The following MUC12 variants were observed in gnomAD, a reference collection of about 807,000 sequenced individuals.
MUC12 encodes the protein mucin-12.
In MUC12, 172 loss-of-function variants were observed where a neutral mutation model predicts 230.8. The observed-to-expected ratio is 0.75, with a 90% CI of 0.66 to 0.85. The LOEUF (loss-of-function observed/expected upper bound fraction) is 0.85. Ranked by LOEUF, MUC12 falls within the 40% of genes least tolerant of loss-of-function variation. The pLI is 0.00. For missense variants in MUC12, 3,506 were observed against 5,920.6 expected (o/e 0.59, Z 13.38); for synonymous variants, 1,259 against 2,401.9 (o/e 0.52, Z 13.91).
rs1432442428 is a variant in MUC12, at chr7:100,992,299, C to G, written c.1736C>G (p.Thr579Ser). Residue 579 changes from threonine (T) to serine (S), a missense_variant, in exon 2 of 12, where the codon ACC becomes AGC. Coordinates refer to ENST00000536621, the MANE Select transcript of MUC12 (RefSeq NM_001164462.2). Reference protein sequence around the residue: ...TASSLGPEYTTFHSRPGSTET... With the variant: ...TASSLGPEYTSFHSRPGSTET... ...TCATCCCTTGGTCCAGAATATACTA[C>G]CTTCCACAGCCGCCCAGGCTCCACT... The G allele has an allele frequency of 6.5e-7, 1 of 1,536,970 alleles. No homozygotes were observed. Among genetic ancestry groups the G allele is most frequent in the East Asian group, 2.4e-5 (1 of 40,910 alleles).
chr7:100,992,356 C>G lies in MUC12; in HGVS notation c.1793C>G (p.Ala598Gly), dbSNP rs557849554. 5 of 1,536,714 alleles carry G rather than the reference C, an allele frequency of 3.3e-6. No individual in the cohort carries two copies. The highest frequency in any genetic ancestry group is 2.4e-5 in the East Asian group (1 of 40,900). The change falls in exon 2 of 12, where the codon GCC becomes GGC. Residue 598 changes from alanine to glycine, a missense_variant. Ala to Gly is a moderately conservative substitution (Grantham distance 60, BLOSUM62 0). Transcript: ENST00000536621. ...ETTLLPDNTT[A>G]SGLLEASMPV... ...ACACTCTTACCTGACAACACCACAG[C>G]CTCAGGACTCCTTGAAGCATCTATG... is the stretch of plus-strand genomic sequence containing the variant.
At position 101,005,444 on chromosome 7, in the gene MUC12, T is replaced by C; in HGVS notation, c.14881T>C (p.Ser4961Pro). The C allele has an allele frequency of 6.5e-7, 1 of 1,537,912 alleles. No individual in the cohort carries two copies. The highest frequency in any genetic ancestry group is 8.7e-7 in the Non-Finnish European group (1 of 1,147,036). Reference protein sequence around the residue: ...SSSTSGLTEESTTFHTSPSFT... With the variant: ...SSSTSGLTEEPTTFHTSPSFT... ...CAGCACATCAGGCCTCACTGAGGAA[T>C]CTACCACCTTCCACACCAGTCCAAG... is the stretch of plus-strand genomic sequence containing the variant. Residue 4961 changes from serine to proline, a missense_variant, in exon 2 of 12, where the codon TCT becomes CCT. Physicochemically the swap from Ser to Pro is moderately conservative, Grantham distance 74. Transcript: ENST00000536621.
At position 100,995,781 on chromosome 7, in the gene MUC12, G is replaced by T; in HGVS notation, c.5218G>T (p.Glu1740Ter). The change falls in exon 2 of 12, where the codon GAA becomes TAA. Residue 1740 changes from glutamate (E) to a stop codon, truncating the protein, a stop_gained. Coordinates refer to ENST00000536621, the MANE Select transcript of MUC12 (RefSeq NM_001164462.2). LOFTEE classifies it high-confidence loss of function. ...CTCCACAACCTTGGGCCGTAGTGAG[G>T]AATCGACAACAGTCCACAGCAGCCC... is the stretch of plus-strand genomic sequence containing the variant. Reference protein sequence around the residue: ...ASSTTLGRSEESTTVHSSPVA... With the variant: ...ASSTTLGRSE 1 of 1,524,734 alleles carries T rather than the reference G, an allele frequency of 6.6e-7. No individual in the cohort carries two copies. The highest frequency in any genetic ancestry group is 2.0e-5 in the Admixed American group (1 of 50,184). The allele number at this position is 1,524,734 out of a possible 1,614,324, so 94.5% of individuals were successfully genotyped here.
intron 6 of MUC12, 143 bp downstream of exon 6, chr7:101,012,590 C>A: frequency 9.3e-7 from 1 of 1,074,410 alleles, no homozygotes; most frequent in Non-Finnish European, 1.3e-6. Context: ...GGGTGCCTTC[C>A]CCAGATCCCA....
intron 1 of MUC12, 51 bp downstream of exon 1, chr7:100,969,740 A>G: frequency 6.5e-7 from 1 of 1,536,360 alleles, no homozygotes; most frequent in Non-Finnish European, 8.7e-7. Flanking sequence ...GGGTGGTAAT[A>G]GTACATGCCC....
chr7:100,996,094 C>G lies in MUC12; in HGVS notation c.5531C>G (p.Ser1844Ter), dbSNP rs1793481591. 1 of 891,022 alleles carries G rather than the reference C, an allele frequency of 1.1e-6. No individual in the cohort carries two copies. The highest frequency in any genetic ancestry group is 2.5e-5 in the African/African-American group (1 of 40,336). 55.2% of individuals were successfully genotyped at this position (891,022 alleles called of 1,614,324 possible). A position where few individuals can be genotyped will look rare whatever the true frequency, so the allele number is the denominator to read the frequency against. Residue 1844 changes from serine (S) to a stop codon, truncating the protein, a stop_gained, in exon 2 of 12, where the codon TCA (serine) becomes TGA (stop). Transcript: ENST00000536621. LOFTEE classifies it high-confidence loss of function. ...TTHFPDSSTT[S>*]GRSEESTASH... ...CACTTCCCTGACAGCTCCACAACCT[C>G]AGGCCGTAGTGAGGAATCAACAGCA...
At chr7:100,975,595 G>A (rs546956451) in intron 1 of MUC12, among the ~76,000 whole-genome samples, 1 of 151,998 alleles carries the variant, frequency 6.6e-6, no homozygotes, top group East Asian at 1.9e-4. Flanking sequence ...GTTTATAGTA[G>A]AGTTAATGAG....
Position 100,992,402 on chromosome 7 carries a change from A to G in MUC12, c.1839A>G (p.Arg613=). Residue 613 remains arginine (R), a synonymous_variant, in exon 2 of 12, where the codon AGA becomes AGG. Coordinates refer to ENST00000536621, the MANE Select transcript of MUC12 (RefSeq NM_001164462.2). ...EASMPVHSST[R]SPHTTLSPAG... ...CTATGCCCGTCCACAGCAGCACCAG[A>G]TCGCCACACACAACACTGTCCCCTG... The G allele has an allele frequency of 6.5e-7, 1 of 1,537,442 alleles. No homozygotes were observed. The highest frequency in any genetic ancestry group is 8.7e-7 in the Non-Finnish European group (1 of 1,146,686).
At chr7:101,015,728 G>A (rs1162329944) in intron 10 of MUC12, 37 bp downstream of exon 10, 1 of 1,517,468 alleles carries the variant, frequency 6.6e-7, no homozygotes, top group African/African-American at 1.4e-5. Context: ...GAGCAGAGCT[G>A]GAGGGTGAAG....
Position 101,006,578 on chromosome 7 carries a change from G to A in MUC12, c.15058+6G>A. ...TCTGGAATCCTTCCCTGTAGGTAAT[G>A]ACCTTTTCTGAGACCTGCAGCTCTT... On this transcript the variant is annotated splice_donor_region_variant and intron_variant, in intron 3 of 11. Coordinates refer to ENST00000536621, the MANE Select transcript of MUC12 (RefSeq NM_001164462.2). 6.6e-7 allele frequency: 1 copy of A among 1,525,240 alleles called. No individual in the cohort carries two copies. The highest frequency in any genetic ancestry group is 8.8e-7 in the Non-Finnish European group (1 of 1,136,104). The allele number at this position is 1,525,240 out of a possible 1,614,324, so 94.5% of individuals were successfully genotyped here. A position where few individuals can be genotyped will look rare whatever the true frequency, so the allele number is the denominator to read the frequency against.
chr7:101,012,804 A>G lies in MUC12; in HGVS notation c.15404-15A>G. ...GTGTTTCTATTCCATCTTCCTTCCC[A>G]TCCACTCTCGGCAGAGGCCATACTG... On this transcript the variant is annotated splice_polypyrimidine_tract_variant and intron_variant, in intron 6 of 11. Transcript: ENST00000536621. The G allele has an allele frequency of 6.5e-7, 1 of 1,536,982 alleles. No individual in the cohort carries two copies. Among genetic ancestry groups the G allele is most frequent in the Non-Finnish European group, 8.7e-7 (1 of 1,146,694 alleles).
At chr7:101,017,366 C>A in intron 10 of MUC12, 1 of 551,238 alleles carries the variant, frequency 1.8e-6, no homozygotes, top group South Asian at 2.2e-5. Context: ...TCCGCTCCCT[C>A]CTGTTCCGGG....
At chr7:101,011,997 T>G (rs1464125735) in intron 5 of MUC12, among the ~76,000 whole-genome samples, 5 of 152,190 alleles carry the variant, frequency 3.3e-5, no homozygotes, top group Non-Finnish European at 7.3e-5. Flanking sequence ...TATTTTACTT[T>G]CGCATCAACA....
In MUC12 at chr7:101,004,936, T is replaced by C. The variant is rs1265141874; in HGVS notation, c.14373T>C (p.Ser4791=). 6.5e-7 allele frequency: 1 copy of C among 1,537,696 alleles called. No individual in the cohort carries two copies. Among genetic ancestry groups the C allele is most frequent in the East Asian group, 2.4e-5 (1 of 40,934 alleles). Reference sequence around the variant, plus strand: ...CCAGCACCACCACCTCAGGCCTCAGTCAGGAATCAACAACTTTCCACAGTA... The same window carrying C: ...CCAGCACCACCACCTCAGGCCTCAGCCAGGAATCAACAACTTTCCACAGTA... ...FPASTTTSGL[S]QESTTFHSKP... The change falls in exon 2 of 12, where the codon AGT becomes AGC. Residue 4791 remains serine (S), a synonymous_variant. Transcript: ENST00000536621.
chr7:101,015,623 A>T lies in MUC12; in HGVS notation c.15809A>T (p.Tyr5270Phe). The T allele has an allele frequency of 6.5e-7, 1 of 1,537,666 alleles. No homozygotes were observed. Residue 5270 changes from tyrosine to phenylalanine, a missense_variant, in exon 10 of 12, where the codon TAT (tyrosine) becomes TTT (phenylalanine). By Grantham distance (22) the Tyr-to-Phe change is conservative (BLOSUM62 3). Coordinates refer to ENST00000536621, the MANE Select transcript of MUC12 (RefSeq NM_001164462.2). The stretch of plus-strand genomic sequence containing the variant: ...GGCATTTCTGTCTGCAGGGAACAGT[A>T]TGATGTGCCTCAAGAGTGGCGAAAG... The part of the protein sequence containing the change: ...LSQRKRHREQ[Y>F]DVPQEWRKEG...
At chr7:101,005,872 A>G (rs1793741171) in intron 2 of MUC12, among the ~76,000 whole-genome samples, 1 of 150,552 alleles carries the variant, frequency 6.6e-6, no homozygotes, top group Non-Finnish European at 1.5e-5. Context: ...ATCTTGGTTC[A>G]CTGCAACCTC....
intron 1 of MUC12, chr7:100,972,138 G>T (rs1792915229): frequency 1.4e-6 from 1 of 703,426 alleles, no homozygotes; most frequent in East Asian, 2.7e-5. Flanking sequence ...TGTTCACAAA[G>T]CCATTTCCCA....
intron 5 of MUC12, among the ~76,000 whole-genome samples, chr7:101,009,751 G>A (rs1315170735): frequency 1.3e-5 from 2 of 152,102 alleles, no homozygotes; most frequent in Admixed American, 6.6e-5. Flanking sequence ...GGGAAGGAGA[G>A]GCAGTTGCAG....
Position 100,992,998 on chromosome 7 carries a change from G to A in MUC12, c.2435G>A (p.Gly812Asp), listed in dbSNP as rs776298974. 5 of 1,537,174 alleles carry A rather than the reference G, an allele frequency of 3.3e-6. No homozygotes were observed. The highest frequency in any genetic ancestry group is 4.4e-6 in the Non-Finnish European group (5 of 1,147,018). The part of the protein sequence containing the change: ...SGSMETTALP[G>D]STTTPGLSER... ...TCAATGGAAACGACAGCGTTACCCG[G>A]CAGTACCACAACGCCAGGCCTCAGT... Residue 812 changes from glycine (G) to aspartate (D), a missense_variant, in exon 2 of 12, where the codon GGC (glycine) becomes GAC (aspartate). By Grantham distance (94) the Gly-to-Asp change is moderately conservative. Coordinates refer to ENST00000536621, the MANE Select transcript of MUC12 (RefSeq NM_001164462.2).
Sources: allele counts gnomAD v4.1 joint callset (sites outside exome capture counted in the v4.1 genomes callset), GRCh38; gene constraint gnomAD v4.1.1; transcripts MANE v1.5; gene names NCBI Gene and HGNC (gene_info 2026-07-23, HGNC 2026-07-21).